RASAL2: variants seen among roughly 807,000 people sequenced by gnomAD.
RASAL2 encodes the protein ras GTPase-activating protein nGAP.
A neutral mutation model predicts 128.9 loss-of-function variants in RASAL2; 58 were observed. That is an observed-to-expected ratio of 0.45 (90% CI 0.36 to 0.56). The LOEUF is 0.56. RASAL2 is among the 20% of genes least tolerant of loss of function. The pLI is 0.00. For missense variants in RASAL2, 1,360 were observed against 1,601.6 expected (o/e 0.85, Z 2.57); for synonymous variants, 561 against 580.8 (o/e 0.97, Z 0.49).
At chr1:178,458,816 T>C (rs1200186734) in intron 14 of RASAL2, among the ~76,000 whole-genome samples, 1 of 152,182 alleles carries the variant, frequency 6.6e-6, no homozygotes, top group African/African-American at 2.4e-5. Context: ...AGTTTGCACT[T>C]AGAGCAAATC....
At chr1:178,203,046 C>G (rs1662927024) in intron 1 of RASAL2, among the ~76,000 whole-genome samples, 2 of 152,172 alleles carry the variant, frequency 1.3e-5, no homozygotes, top group Admixed American at 1.3e-4. Flanking sequence ...TAGTTGGTGA[C>G]AGGTCGATTA....
intron 4 of RASAL2, among the ~76,000 whole-genome samples, chr1:178,406,791 T>C (rs1243397001): frequency 1.3e-5 from 2 of 151,706 alleles, no homozygotes; most frequent in Admixed American, 6.6e-5. Flanking sequence ...TAACATGTTA[T>C]AATGTAATAC....
chr1:178,366,121 C>G (rs1483805856), intron 3 of RASAL2, among the ~76,000 whole-genome samples: 1 of 152,164 alleles, frequency 6.6e-6, no homozygotes, highest in Admixed American at 6.6e-5. Context: ...AAGAGAATGT[C>G]CTTTGTTTTA....
At chr1:178,447,690 A>G (rs1164790659) in intron 9 of RASAL2, among the ~76,000 whole-genome samples, 1 of 149,950 alleles carries the variant, frequency 6.7e-6, no homozygotes. Context: ...AAAAAAAAAA[A>G]AAAAAAAAAA....
intron 1 of RASAL2, among the ~76,000 whole-genome samples, chr1:178,210,972 G>T (rs1398070875): frequency 6.6e-6 from 1 of 152,058 alleles, no homozygotes; most frequent in African/African-American, 2.4e-5. Context: ...GTAGTCCTAG[G>T]GTGTAGCTCT....
chr1:178,195,269 A>G (rs192316775), intron 1 of RASAL2, among the ~76,000 whole-genome samples: 2 of 152,344 alleles, frequency 1.3e-5, no homozygotes, highest in South Asian at 2.1e-4. Flanking sequence ...CTAATTTGCC[A>G]GCAGTCAATA....
rs527246054 is a variant in RASAL2, at chr1:178,379,140, CAAGTGGACATTTTAAGAAAAATGTAACT to C, written c.458-10959_458-10932del. Among the ~76,000 whole-genome samples the C allele has an allele frequency of 2.6e-5, 4 of 152,184 alleles. No individual in the cohort carries two copies. The South Asian group carries it at 8.3e-4, about 32-fold the overall frequency. The stretch of plus-strand genomic sequence containing the variant: ...TTGATAATATATTTGGAAATTTAGA[CAAGTGGACATTTTAAGAAAAATGTAACT>C]TAAAATTGTAGAAGCAATAAAAAAC... On this transcript the variant is annotated intron_variant, in intron 3 of 17. Coordinates refer to ENST00000367649, the MANE Select transcript of RASAL2 (RefSeq NM_170692.4).
At chr1:178,399,065 T>C (rs1673444417) in intron 4 of RASAL2, among the ~76,000 whole-genome samples, 1 of 152,210 alleles carries the variant, frequency 6.6e-6, no homozygotes, top group Non-Finnish European at 1.5e-5. Flanking sequence ...TGAAGTTTAA[T>C]GGGACAATGG....
At chr1:178,423,034 G>A (rs953911806) in intron 5 of RASAL2, among the ~76,000 whole-genome samples, 4 of 152,092 alleles carry the variant, frequency 2.6e-5, no homozygotes, top group Non-Finnish European at 4.4e-5. Flanking sequence ...CCAAGTATAT[G>A]TTTTCATGTT....
chr1:178,360,921 T>C (rs191991409), intron 3 of RASAL2, among the ~76,000 whole-genome samples: 348 of 152,320 alleles, frequency 2.3e-3, no homozygotes, highest in Non-Finnish European at 3.3e-3. Flanking sequence ...TTCACTAATA[T>C]TTGCTTTATA....
intron 6 of RASAL2, among the ~76,000 whole-genome samples, chr1:178,441,139 G>C (rs1676619754): frequency 7.0e-6 from 1 of 143,072 alleles, no homozygotes; most frequent in Non-Finnish European, 1.6e-5. Flanking sequence ...TGTAGATGTA[G>C]ATATAAGTAT....
chr1:178,173,037 A>G (rs532954193), intron 1 of RASAL2, among the ~76,000 whole-genome samples: 13 of 152,238 alleles, frequency 8.5e-5, no homozygotes, highest in Admixed American at 2.0e-4. Context: ...ATTTTCACCT[A>G]TGTGCATGTG....
At chr1:178,116,933 C>T (rs546118381) in intron 1 of RASAL2, among the ~76,000 whole-genome samples, 45 of 152,290 alleles carry the variant, frequency 3.0e-4, no homozygotes, top group Non-Finnish European at 5.9e-4. Context: ...TTTGATTTAT[C>T]AGTCTGAAAG....
At position 178,475,387 on chromosome 1, in the gene RASAL2, A is replaced by C. The variant is rs1353803861; in HGVS notation, c.*2148A>C. ...TAGGAAAAAGAGGTAACTGTTCCAA[A>C]GTGTAGTGTCCTTTGTTGAAGGAGG... On this transcript the variant is annotated 3_prime_UTR_variant, in exon 18 of 18. Transcript: ENST00000367649. The C allele has an allele frequency of 1.3e-5, 2 of 152,206 alleles. No individual in the cohort carries two copies. Among genetic ancestry groups the C allele is most frequent in the Non-Finnish European group, 2.9e-5 (2 of 68,034 alleles). 9.4% of individuals were successfully genotyped at this position (152,206 alleles called of 1,614,324 possible). A position where few individuals can be genotyped will look rare whatever the true frequency, so the allele number is the denominator to read the frequency against.
intron 4 of RASAL2, among the ~76,000 whole-genome samples, chr1:178,397,224 A>G (rs2102637342): frequency 6.6e-6 from 1 of 152,318 alleles, no homozygotes; most frequent in Non-Finnish European, 1.5e-5. Context: ...TCATAACCCA[A>G]ATGTCTATCA....
chr1:178,335,627 A>G (rs1383659268), intron 3 of RASAL2, among the ~76,000 whole-genome samples: 1 of 152,198 alleles, frequency 6.6e-6, no homozygotes, highest in Non-Finnish European at 1.5e-5. Flanking sequence ...ATGTTTGGAA[A>G]CTGCTCACAC....
intron 3 of RASAL2, among the ~76,000 whole-genome samples, chr1:178,365,407 A>G (rs1214066246): frequency 1.3e-5 from 2 of 151,864 alleles, no homozygotes; most frequent in African/African-American, 2.4e-5. Context: ...AGATGCAATC[A>G]TGGTATCTAT....
chr1:178,295,600 G>T (rs7543840), intron 2 of RASAL2, among the ~76,000 whole-genome samples: 1 of 152,178 alleles, frequency 6.6e-6, no homozygotes, highest in African/African-American at 2.4e-5. Flanking sequence ...GCAGTGGTTC[G>T]CAACCTTAGT....
chr1:178,466,643 G>A (rs532965191), intron 16 of RASAL2, among the ~76,000 whole-genome samples: 3 of 152,180 alleles, frequency 2.0e-5, no homozygotes, highest in Non-Finnish European at 4.4e-5. Flanking sequence ...CTCCACCTAC[G>A]CATTATTATT....
Sources: allele counts gnomAD v4.1 joint callset (sites outside exome capture counted in the v4.1 genomes callset), GRCh38; gene constraint gnomAD v4.1.1; transcripts MANE v1.5; gene names NCBI Gene and HGNC (gene_info 2026-07-23, HGNC 2026-07-21).